The following POLR3C variants were observed in gnomAD, a reference collection of about 807,000 sequenced individuals.
POLR3C encodes the protein RNA polymerase III subunit C.
In POLR3C, 44 loss-of-function variants were observed where a neutral mutation model predicts 65.9. That is an observed-to-expected ratio of 0.67 (90% CI 0.52 to 0.86). The LOEUF (loss-of-function observed/expected upper bound fraction) is 0.86. Ranked by LOEUF, POLR3C falls within the 40% of genes least tolerant of loss-of-function variation. The probability of loss-of-function intolerance (pLI) is 0.00; values close to 1 mark genes in which losing one functional copy is unlikely to be tolerated. For synonymous variants in POLR3C, 263 were observed against 231.6 expected (o/e 1.14, Z -1.23); for missense variants, 576 against 653.2 (o/e 0.88, Z 1.29).
Position 145,824,276 on chromosome 1 carries a change from C to T in POLR3C, c.-114C>T. On this transcript the variant is annotated 5_prime_UTR_variant, in exon 1 of 15. Coordinates refer to ENST00000334163, the MANE Select transcript of POLR3C (RefSeq NM_006468.8). ...GTCCTAGAAAGGGCGGTGGGCTCCACCTCGGCCTAGAAGGCCAGCGGGAGC... is the reference window on the plus strand; with the variant it reads ...GTCCTAGAAAGGGCGGTGGGCTCCATCTCGGCCTAGAAGGCCAGCGGGAGC... 6.8e-6 allele frequency: 2 copies of T among 293,304 alleles called. No individual in the cohort carries two copies. The highest frequency in any genetic ancestry group is 2.8e-5 in the South Asian group (1 of 36,178). The allele number at this position is 293,304 out of a possible 1,614,324, so 18.2% of individuals were successfully genotyped here. A position where few individuals can be genotyped will look rare whatever the true frequency, so the allele number is the denominator to read the frequency against.
At chr1:145,830,509 G>A (rs1309324609) in intron 5 of POLR3C, among the ~76,000 whole-genome samples, 4 of 152,058 alleles carry the variant, frequency 2.6e-5, no homozygotes, top group Admixed American at 6.6e-5. Flanking sequence ...TTAAGAAATC[G>A]GGTTGGCTGG....
intron 4 of POLR3C, 135 bp from the exon 5 acceptor site, chr1:145,828,614 C>G (rs1650988894): frequency 6.2e-6 from 4 of 642,390 alleles, no homozygotes; most frequent in Admixed American, 5.4e-5. Context: ...TCTTATAGCT[C>G]TTCAGCCCCC....
intron 7 of POLR3C, among the ~76,000 whole-genome samples, chr1:145,834,378 AG>A (rs781793476): frequency 6.6e-6 from 1 of 152,126 alleles, no homozygotes; most frequent in Non-Finnish European, 1.5e-5. Context: ...ATTAAAAACC[AG>A]TAACAGGCTG....
In POLR3C at chr1:145,826,613, G is replaced by A. The variant is rs1650773110; in HGVS notation, c.307G>A (p.Gly103Arg). ...TACCAAAACTCTGTACAGTGACACT[G>A]GAGAGCTGATTGTTGAGGAGCTTCT... Reference protein sequence around the residue: ...YTTKTLYSDTGELIVEELLLN... With the variant: ...YTTKTLYSDTRELIVEELLLN... The change falls in exon 3 of 15, where the codon GGA (glycine) becomes AGA (arginine). Residue 103 changes from glycine to arginine, a missense_variant. By Grantham distance (125) the Gly-to-Arg change is moderately radical. Transcript: ENST00000334163. 1.2e-6 allele frequency: 2 copies of A among 1,614,116 alleles called. No homozygotes were observed. Among genetic ancestry groups the A allele is most frequent in the Non-Finnish European group, 8.5e-7 (1 of 1,179,970 alleles).
At chr1:145,829,164 C>G (rs1651078673) in intron 5 of POLR3C, among the ~76,000 whole-genome samples, 1 of 152,146 alleles carries the variant, frequency 6.6e-6, no homozygotes, top group South Asian at 2.1e-4. Context: ...TAGGCCTGAA[C>G]TCATATTCAA....
chr1:145,824,438 C>T, intron 1 of POLR3C, 69 bp downstream of exon 1: 1 of 718,204 alleles, frequency 1.4e-6, no homozygotes, highest in Non-Finnish European at 2.1e-6. Context: ...GAAACGGGAA[C>T]CTGTGTAAAG....
At chr1:145,825,342 A>T (rs1383282462) in intron 1 of POLR3C, among the ~76,000 whole-genome samples, 5 of 151,928 alleles carry the variant, frequency 3.3e-5, no homozygotes, top group African/African-American at 9.7e-5. Context: ...CAAACTCCTG[A>T]CCTCATGATA....
At chr1:145,827,888 A>T (rs1429449965) in intron 4 of POLR3C, among the ~76,000 whole-genome samples, 3 of 151,908 alleles carry the variant, frequency 2.0e-5, no homozygotes, top group Non-Finnish European at 4.4e-5. Context: ...AGATTGCACC[A>T]CTGTACTCCA....
In POLR3C at chr1:145,825,182, C is replaced by G. The variant is rs958182947; in HGVS notation, c.-20-575C>G. 4.6e-5 allele frequency among the ~76,000 whole-genome samples: 7 copies of G among 151,940 alleles called. No homozygotes were observed. The East Asian group carries it at 1.3e-3, about 29-fold the overall frequency. On this transcript the variant is annotated intron_variant, in intron 1 of 14. Transcript: ENST00000334163. ...GGAGTGCAGTGGCGCGATCTCGGCT[C>G]ACTGCAACCTCTGCCTCCCGGCTTC...
In POLR3C at chr1:145,843,024, T is replaced by C. The variant is rs1459815430; in HGVS notation, c.*604T>C. 1.3e-5 allele frequency among the ~76,000 whole-genome samples: 2 copies of C among 152,098 alleles called. No homozygotes were observed. The highest frequency in any genetic ancestry group is 4.8e-5 in the African/African-American group (2 of 41,412). On this transcript the variant is annotated 3_prime_UTR_variant, in exon 15 of 15. Transcript: ENST00000334163. The stretch of plus-strand genomic sequence containing the variant: ...TTTTTTTGTAGAGACAGGGCCTCCC[T>C]GTGTTGCCCAGGCTGATGAACTGTA...
intron 10 of POLR3C, 152 bp from the exon 11 acceptor site, chr1:145,837,904 C>T: frequency 1.4e-6 from 1 of 700,106 alleles, no homozygotes; most frequent in Non-Finnish European, 2.4e-6. Context: ...GCCTTACCAT[C>T]ACCAACCTAT....
chr1:145,832,194 A>C (rs1161155386), intron 5 of POLR3C, among the ~76,000 whole-genome samples: 1 of 152,232 alleles, frequency 6.6e-6, no homozygotes, highest in African/African-American at 2.4e-5. Context: ...CCTTAAGGAC[A>C]GTTGTGGAAT....
rs587636692 is a variant in POLR3C, at chr1:145,836,143, G to A, written c.877-351G>A. On this transcript the variant is annotated intron_variant, in intron 7 of 14. Coordinates refer to ENST00000334163, the MANE Select transcript of POLR3C (RefSeq NM_006468.8). Reference sequence around the variant, plus strand: ...ACTTTTTTTTTTTTTTTTTTGAGACGGAGTTTCGCCCTTGTAGCCCAGGCT... The same window carrying A: ...ACTTTTTTTTTTTTTTTTTTGAGACAGAGTTTCGCCCTTGTAGCCCAGGCT... Among the ~76,000 whole-genome samples, 249 of 146,184 alleles carry A rather than the reference G, an allele frequency of 1.7e-3. 1 individual carries two copies. Among genetic ancestry groups the A allele is most frequent in the Non-Finnish European group, 2.8e-3 (184 of 66,842 alleles).
rs587712907 is a variant in POLR3C at position 145,830,111 on chromosome 1, A to G, written c.678+1274A>G. Among the ~76,000 whole-genome samples the G allele has an allele frequency of 4.6e-5, 7 of 152,174 alleles. No individual in the cohort carries two copies. In the South Asian group the frequency reaches 8.3e-4, roughly 18 times the overall value. On this transcript the variant is annotated intron_variant, in intron 5 of 14. Transcript: ENST00000334163. ...TTGTTCTACTCCATGGATGGATTTC[A>G]GAGAGTCCAGTTATACTTACGTGCA...
chr1:145,842,693 C>A lies in POLR3C; in HGVS notation c.*273C>A, dbSNP rs1335334313. ...CATCTGTTCCCATAAAGAAGTTACC[C>A]ACACCTATGGTTACCTATATCCCTG... On this transcript the variant is annotated 3_prime_UTR_variant, in exon 15 of 15. Coordinates refer to ENST00000334163, the MANE Select transcript of POLR3C (RefSeq NM_006468.8). Among the ~76,000 whole-genome samples the A allele has an allele frequency of 6.6e-6, 1 of 151,964 alleles. No individual in the cohort carries two copies. The highest frequency in any genetic ancestry group is 6.6e-5 in the Admixed American group (1 of 15,258).
At position 145,842,486 on chromosome 1, in the gene POLR3C, A is replaced by AC; in HGVS notation, c.*66_*67insC. The AC allele has an allele frequency of 9.4e-7, 1 of 1,060,320 alleles. No homozygotes were observed. Among genetic ancestry groups the AC allele is most frequent in the Non-Finnish European group, 1.5e-6 (1 of 678,872 alleles). The allele number at this position is 1,060,320 out of a possible 1,614,324, so 65.7% of individuals were successfully genotyped here. A position where few individuals can be genotyped will look rare whatever the true frequency, so the allele number is the denominator to read the frequency against. On this transcript the variant is annotated 3_prime_UTR_variant, in exon 15 of 15. Coordinates refer to ENST00000334163, the MANE Select transcript of POLR3C (RefSeq NM_006468.8). Reference sequence around the variant, plus strand: ...AAAGCAAAATAAAGGAGGTGCCTGGATGCATTATTTGCAGTGGGATAAGTC... The same window carrying AC: ...AAAGCAAAATAAAGGAGGTGCCTGGACTGCATTATTTGCAGTGGGATAAGTC...
At chr1:145,826,245 G>A (rs1650730699) in intron 2 of POLR3C, among the ~76,000 whole-genome samples, 4 of 152,186 alleles carry the variant, frequency 2.6e-5, no homozygotes, top group Admixed American at 2.6e-4. Flanking sequence ...TGAGAGATAA[G>A]GATCAGAGGA....
At chr1:145,835,948 T>C (rs1651783057) in intron 7 of POLR3C, among the ~76,000 whole-genome samples, 1 of 152,156 alleles carries the variant, frequency 6.6e-6, no homozygotes, top group Non-Finnish European at 1.5e-5. Flanking sequence ...TTAGTTTCTG[T>C]AGATTTGTCT....
At chr1:145,836,660 C>A (rs1172980987) in intron 8 of POLR3C, 86 bp downstream of exon 8, 9 of 975,370 alleles carry the variant, frequency 9.2e-6, no homozygotes, top group Non-Finnish European at 6.7e-6. Context: ...TGTCATCCTC[C>A]TGCAGAGTTA....
Sources: allele counts gnomAD v4.1 joint callset (sites outside exome capture counted in the v4.1 genomes callset), GRCh38; gene constraint gnomAD v4.1.1; transcripts MANE v1.5; gene names NCBI Gene and HGNC (gene_info 2026-07-23, HGNC 2026-07-21).